Variants in DDX10 observed in about 807,000 individuals in gnomAD.
The protein encoded by DDX10 is probable ATP-dependent RNA helicase DDX10.
A neutral mutation model predicts 104.3 loss-of-function variants in DDX10; 74 were observed. That is an observed-to-expected ratio of 0.71 (90% confidence interval 0.59 to 0.86). The LOEUF is 0.86. DDX10 is among the 40% of genes least tolerant of loss of function. The pLI is 0.00. For synonymous variants in DDX10, 351 were observed against 353.4 expected (o/e 0.99, Z 0.08); for missense variants, 952 against 1,040.0 (o/e 0.92, Z 1.16).
At chr11:108,931,298 T>C (rs1043985902) in intron 17 of DDX10, among the ~76,000 whole-genome samples, 1 of 152,226 alleles carries the variant, frequency 6.6e-6, no homozygotes, top group African/African-American at 2.4e-5. Flanking sequence ...ACCATGCATA[T>C]ATCACTTATT....
chr11:108,691,290 AT>A (rs2134450237), intron 7 of DDX10, among the ~76,000 whole-genome samples: 1 of 152,310 alleles, frequency 6.6e-6, no homozygotes, highest in South Asian at 2.1e-4. Flanking sequence ...AGTTTGTTTT[AT>A]TTATGTGAAC....
intron 13 of DDX10, among the ~76,000 whole-genome samples, chr11:108,793,495 T>C (rs1861898505): frequency 6.6e-6 from 1 of 152,190 alleles, no homozygotes; most frequent in Non-Finnish European, 1.5e-5. Flanking sequence ...GGTACACCTT[T>C]ACCTCAACAA....
intron 16 of DDX10, among the ~76,000 whole-genome samples, chr11:108,867,765 C>G (rs1301158112): frequency 1.3e-5 from 2 of 152,036 alleles, no homozygotes; most frequent in East Asian, 3.9e-4. Flanking sequence ...TAATGGACAG[C>G]AAGGAAAATG....
intron 1 of DDX10, among the ~76,000 whole-genome samples, chr11:108,672,522 A>T (rs1466835574): frequency 6.6e-6 from 1 of 152,242 alleles, no homozygotes; most frequent in African/African-American, 2.4e-5. Flanking sequence ...ATGTTTTAAT[A>T]TTTGTATTTT....
At chr11:108,696,945 C>G (rs188197017) in intron 9 of DDX10, among the ~76,000 whole-genome samples, 78 of 152,108 alleles carry the variant, frequency 5.1e-4, no homozygotes, top group Admixed American at 8.5e-4. Flanking sequence ...TTCTTGGTTC[C>G]TAGAGAAGTT....
intron 10 of DDX10, among the ~76,000 whole-genome samples, chr11:108,710,545 A>AGGGG (rs1459746632): frequency 6.6e-6 from 1 of 152,032 alleles, no homozygotes; most frequent in African/African-American, 2.4e-5. Context: ...GAAGGCCTTC[A>AGGGG]GGGGCAGTAA....
At chr11:108,905,380 A>G (rs1461278748) in intron 16 of DDX10, among the ~76,000 whole-genome samples, 1 of 11,730 alleles carries the variant, frequency 8.5e-5, no homozygotes, top group Non-Finnish European at 1.4e-3. Flanking sequence ...TATGTTTTTT[A>G]TAGTACGTCT....
At chr11:108,708,890 T>C (rs998140337) in intron 10 of DDX10, among the ~76,000 whole-genome samples, 4 of 152,182 alleles carry the variant, frequency 2.6e-5, no homozygotes, top group Non-Finnish European at 5.9e-5. Context: ...TGATGTTCCC[T>C]TTTTCATTTG....
intron 17 of DDX10, chr11:108,929,833 C>G (rs1863954153): frequency 6.6e-6 from 1 of 152,110 alleles, no homozygotes; most frequent in Admixed American, 6.5e-5. Context: ...CTCTTTTAAA[C>G]TATACATCTT....
chr11:108,665,410 T>A, intron 1 of DDX10, 71 bp downstream of exon 1: 1 of 1,467,964 alleles, frequency 6.8e-7, no homozygotes, highest in Non-Finnish European at 9.0e-7. Flanking sequence ...GGCGAGGAGT[T>A]GCAGAGTGGA....
chr11:108,743,792 G>A (rs911283856), intron 13 of DDX10, among the ~76,000 whole-genome samples: 2 of 152,086 alleles, frequency 1.3e-5, no homozygotes, highest in African/African-American at 4.8e-5. Flanking sequence ...AGAGGGAGTG[G>A]CAAATGGAAG....
intron 13 of DDX10, among the ~76,000 whole-genome samples, chr11:108,738,650 C>T (rs946709834): frequency 6.6e-6 from 1 of 152,120 alleles, no homozygotes; most frequent in African/African-American, 2.4e-5. Context: ...CTCTGCCTAC[C>T]CCAAGCCCCA....
At chr11:108,733,399 A>G (rs948478439) in intron 13 of DDX10, among the ~76,000 whole-genome samples, 9 of 152,140 alleles carry the variant, frequency 5.9e-5, no homozygotes, top group Non-Finnish European at 1.2e-4. Context: ...AAGTATTTGT[A>G]AAATAAGTAC....
chr11:108,916,470 T>C (rs947134622), intron 16 of DDX10, among the ~76,000 whole-genome samples: 1 of 152,114 alleles, frequency 6.6e-6, no homozygotes, highest in Non-Finnish European at 1.5e-5. Context: ...GACTAATTCT[T>C]ATGTTTAGAG....
At chr11:108,686,469 A>G (rs2094244267) in intron 6 of DDX10, among the ~76,000 whole-genome samples, 1 of 152,166 alleles carries the variant, frequency 6.6e-6, no homozygotes, top group African/African-American at 2.4e-5. Flanking sequence ...AGAATGTTGT[A>G]TAGTTGGAAC....
At chr11:108,800,591 C>T (rs1026963842) in intron 13 of DDX10, among the ~76,000 whole-genome samples, 2 of 152,088 alleles carry the variant, frequency 1.3e-5, no homozygotes, top group African/African-American at 4.8e-5. Context: ...TAATGACAAC[C>T]TATTGGTATG....
At chr11:108,732,373 C>T (rs1195080232) in intron 13 of DDX10, among the ~76,000 whole-genome samples, 2 of 152,138 alleles carry the variant, frequency 1.3e-5, no homozygotes, top group Non-Finnish European at 2.9e-5. Context: ...GCTGTCGTGC[C>T]TACCATTATT....
chr11:108,938,812 T>C (rs1055849124), intron 17 of DDX10, among the ~76,000 whole-genome samples: 1 of 152,132 alleles, frequency 6.6e-6, no homozygotes, highest in Non-Finnish European at 1.5e-5. Flanking sequence ...TTATTTCCAG[T>C]TTTGCATCAA....
intron 17 of DDX10, among the ~76,000 whole-genome samples, chr11:108,935,033 A>G (rs1415782007): frequency 6.6e-6 from 1 of 152,174 alleles, no homozygotes; most frequent in Non-Finnish European, 1.5e-5. Flanking sequence ...CCTAACCGTC[A>G]TTATTTTTAC....
Sources: allele counts gnomAD v4.1 joint callset (sites outside exome capture counted in the v4.1 genomes callset), GRCh38; gene constraint gnomAD v4.1.1; transcripts MANE v1.5; gene names NCBI Gene and HGNC (gene_info 2026-07-23, HGNC 2026-07-21).